Variants in SLC30A7 observed in about 807,000 individuals in gnomAD.
SLC30A7 encodes the protein zinc transporter 7.
In SLC30A7, 35 loss-of-function variants were observed where a neutral mutation model predicts 46.0. That is an observed-to-expected ratio of 0.76 (90% CI 0.58 to 1.01). The LOEUF is 1.01. SLC30A7 is among the 50% of genes least tolerant of loss of function. The pLI is 0.00. For synonymous variants in SLC30A7, 147 were observed against 157.8 expected, an observed-to-expected ratio of 0.93 and a Z score of 0.51; for missense variants, 464 against 451.1, an observed-to-expected ratio of 1.03 and a Z score of -0.26.
At chr1:100,966,110 C>G (rs1655846840) in intron 10 of SLC30A7, among the ~76,000 whole-genome samples, 192 bp downstream of exon 10, 1 of 151,272 alleles carries the variant, frequency 6.6e-6, no homozygotes, top group African/African-American at 2.4e-5. Context: ...CGCCTATAGT[C>G]CCAGCTGCTT....
intron 8 of SLC30A7, among the ~76,000 whole-genome samples, chr1:100,940,066 G>A (rs1041702624): frequency 6.6e-6 from 1 of 152,118 alleles, no homozygotes; most frequent in South Asian, 2.1e-4. Context: ...AACATAATGA[G>A]ATACCTGAAA....
chr1:100,966,381 A>C (rs999996270), intron 10 of SLC30A7, among the ~76,000 whole-genome samples: 49 of 152,036 alleles, frequency 3.2e-4, no homozygotes, highest in African/African-American at 1.0e-3. Context: ...CAGGAGATCA[A>C]GACCATCCTG....
chr1:100,898,836 A>T (rs1651131413), intron 2 of SLC30A7, among the ~76,000 whole-genome samples: 1 of 152,140 alleles, frequency 6.6e-6, no homozygotes, highest in African/African-American at 2.4e-5. Context: ...CATTTTGTGT[A>T]TTAGTCAATT....
In SLC30A7 at chr1:100,968,780, A is replaced by C. The variant is rs61780324; in HGVS notation, c.1083+2862A>C. On this transcript the variant is annotated intron_variant, in intron 10 of 10. Coordinates refer to ENST00000357650, the MANE Select transcript of SLC30A7 (RefSeq NM_133496.5). The stretch of plus-strand genomic sequence containing the variant: ...ATATCACATTGTACAACTTGTGTGC[A>C]AGTTCCTACCAGCTGTCATGATTTT... Among the ~76,000 whole-genome samples, 1,362 of 152,344 alleles carry C rather than the reference A, an allele frequency of 8.9e-3. 11 individuals carry two copies. Among genetic ancestry groups the C allele is most frequent in the Middle Eastern group, 0.031 (9 of 294 alleles).
At chr1:100,907,871 G>A (rs150665071) in intron 3 of SLC30A7, among the ~76,000 whole-genome samples, 2 of 151,320 alleles carry the variant, frequency 1.3e-5, no homozygotes, top group East Asian at 1.9e-4. Context: ...GCTTCTTGTC[G>A]CTTGGGCTTG....
At chr1:100,988,383 CCA>C in the SLC30A7 span, among the ~76,000 whole-genome samples, 1 of 152,066 alleles carries the variant, frequency 6.6e-6, no homozygotes, top group Non-Finnish European at 1.5e-5. Context: ...TATATTTTGT[CCA>C]CAGTTTATAA....
chr1:100,971,904 A>G (rs540375413), intron 10 of SLC30A7, among the ~76,000 whole-genome samples: 40 of 152,272 alleles, frequency 2.6e-4, no homozygotes, highest in Non-Finnish European at 4.4e-5. Flanking sequence ...CCTTTCTACA[A>G]CAATAAATAT....
chr1:100,937,243 A>G (rs1654022962), intron 8 of SLC30A7, among the ~76,000 whole-genome samples: 1 of 152,148 alleles, frequency 6.6e-6, no homozygotes, highest in South Asian at 2.1e-4. Flanking sequence ...AATTCAAAAC[A>G]TCTGTGGGAG....
Position 100,911,113 on chromosome 1 carries a change from T to A in SLC30A7, c.347T>A (p.Ile116Asn), listed in dbSNP as rs746490759. ...LAGFVNGLFL[I>N]FTAFFIFSEG... Reference sequence around the variant, plus strand: ...GGCTTTGTCAATGGCCTATTTTTGATCTTCACTGCTTTTTTTATTTTCTCA... The same window carrying A: ...GGCTTTGTCAATGGCCTATTTTTGAACTTCACTGCTTTTTTTATTTTCTCA... Residue 116 changes from isoleucine (I) to asparagine (N), a missense_variant, in exon 4 of 11, where the codon ATC becomes AAC. Ile to Asn is a moderately radical substitution (Grantham distance 149, BLOSUM62 -3). Transcript: ENST00000357650. The A allele has an allele frequency of 6.2e-7, 1 of 1,612,068 alleles. No individual in the cohort carries two copies.
At chr1:100,915,194 T>C (rs1652423841) in intron 6 of SLC30A7, among the ~76,000 whole-genome samples, 2 of 32,920 alleles carry the variant, frequency 6.1e-5, no homozygotes, top group African/African-American at 2.3e-4. Flanking sequence ...TTTTCTTTCT[T>C]TTCTTTCTTT....
At chr1:100,957,349 T>C (rs1225098716) in intron 8 of SLC30A7, among the ~76,000 whole-genome samples, 1 of 152,260 alleles carries the variant, frequency 6.6e-6, no homozygotes, top group Non-Finnish European at 1.5e-5. Context: ...TTGCCAAGTA[T>C]ATCTATGTGT....
At chr1:100,970,011 A>T (rs1267015480) in intron 10 of SLC30A7, among the ~76,000 whole-genome samples, 1 of 152,322 alleles carries the variant, frequency 6.6e-6, no homozygotes, top group East Asian at 1.9e-4. Flanking sequence ...ATTTAAAAAA[A>T]ATTTTGATCT....
chr1:100,959,176 T>C (rs1655402544), intron 8 of SLC30A7, among the ~76,000 whole-genome samples: 1 of 152,170 alleles, frequency 6.6e-6, no homozygotes, highest in Non-Finnish European at 1.5e-5. Context: ...ATATACTGTG[T>C]TAAAGAGCCA....
In SLC30A7 at chr1:100,976,665, T is replaced by C. The variant is rs1308873418; in HGVS notation, c.*1808T>C. The C allele has an allele frequency of 2.0e-5, 3 of 152,722 alleles. No homozygotes were observed. The highest frequency in any genetic ancestry group is 7.2e-5 in the African/African-American group (3 of 41,586). 9.5% of individuals were successfully genotyped at this position (152,722 alleles called of 1,614,324 possible). A position where few individuals can be genotyped will look rare whatever the true frequency, so the allele number is the denominator to read the frequency against. On this transcript the variant is annotated 3_prime_UTR_variant, in exon 11 of 11. Transcript: ENST00000357650. ...AACAATTATTAAGAATGTAGATCAA[T>C]AAGTACTTTTTAGTGATGTGGCAGA...
intron 2 of SLC30A7, among the ~76,000 whole-genome samples, chr1:100,904,549 CTT>C (rs1409799377): frequency 1.3e-5 from 2 of 149,650 alleles, no homozygotes; most frequent in East Asian, 2.0e-4. Context: ...TTTTTTGGCT[CTT>C]TGTGTATTTT....
At chr1:100,908,817 A>G (rs990534296) in intron 3 of SLC30A7, among the ~76,000 whole-genome samples, 5 of 152,122 alleles carry the variant, frequency 3.3e-5, no homozygotes, top group African/African-American at 1.2e-4. Flanking sequence ...TTATTCTACA[A>G]TCTTTCTGAA....
chr1:100,992,563 G>C, the SLC30A7 span: 1 of 1,038,446 alleles, frequency 9.6e-7, no homozygotes, highest in East Asian at 2.4e-5. Context: ...AGTGGTATGA[G>C]ATATTAAGTC....
chr1:100,947,571 G>C (rs1486969555), intron 8 of SLC30A7, among the ~76,000 whole-genome samples: 1 of 152,140 alleles, frequency 6.6e-6, no homozygotes, highest in Non-Finnish European at 1.5e-5. Flanking sequence ...TGTTAATTTC[G>C]CTTAGTGCAG....
chr1:100,957,262 T>A lies in SLC30A7; in HGVS notation c.843-4566T>A, dbSNP rs182681248. Among the ~76,000 whole-genome samples, 412 of 152,328 alleles carry A rather than the reference T, an allele frequency of 2.7e-3. 1 individual carries two copies. Among genetic ancestry groups the A allele is most frequent in the Non-Finnish European group, 3.7e-3 (251 of 68,030 alleles). On this transcript the variant is annotated intron_variant, in intron 8 of 10. Transcript: ENST00000357650. ...CTGATGCCAGATATATAGTAGTAGA[T>A]CCTTAATAATCGCTTAATATTGATT...
Sources: gnomAD v4.1 joint callset for allele counts (sites outside exome capture counted in the v4.1 genomes callset) on GRCh38, gnomAD v4.1.1 for gene constraint, MANE v1.5 for transcripts, NCBI Gene and HGNC (gene_info 2026-07-23, HGNC 2026-07-21) for gene names.